The following NBAS variants were observed in gnomAD, a reference collection of about 807,000 sequenced individuals.
The protein encoded by NBAS is NBAS subunit of NRZ tethering complex.
NBAS carries 219 observed loss-of-function variants against 302.5 expected under a neutral mutation model. The ratio of observed to expected loss-of-function variants is 0.72; its 90% CI spans 0.65 to 0.81. NBAS has a LOEUF of 0.81. Among genes scored for constraint, NBAS ranks in the 30% least tolerant of loss-of-function variants. The probability of loss-of-function intolerance (pLI) is 0.00; values close to 1 mark genes in which losing one functional copy is unlikely to be tolerated. For missense variants in NBAS, 2,932 were observed against 2,841.6 expected (o/e 1.03, Z -0.72); for synonymous variants, 1,118 against 1,021.6 (o/e 1.09, Z -1.80).
chr2:14,821,164 G>C, the NBAS span, among the ~76,000 whole-genome samples: 1 of 152,058 alleles, frequency 6.6e-6, no homozygotes, highest in Non-Finnish European at 1.5e-5. Context: ...CTGACCTCGT[G>C]ATCCGCCCGC....
At position 15,178,600 on chromosome 2, in the gene NBAS, C is replaced by T. The variant is rs10188269; in HGVS notation, c.6840+388G>A. ...CCTTTAATTAGTGGATAACCTAACACACACATCCACAGATGGAAAACCTGT... is the reference window on the plus strand; with the variant it reads ...CCTTTAATTAGTGGATAACCTAACATACACATCCACAGATGGAAAACCTGT... On this transcript the variant is annotated intron_variant, in intron 51 of 51. Coordinates refer to ENST00000281513, the MANE Select transcript of NBAS (RefSeq NM_015909.4). Among the ~76,000 whole-genome samples the T allele has an allele frequency of 5.9e-4, 90 of 152,316 alleles. 1 individual carries two copies. Among genetic ancestry groups the T allele is most frequent in the Admixed American group, 3.7e-3 (56 of 15,304 alleles).
intron 21 of NBAS, among the ~76,000 whole-genome samples, chr2:15,454,023 C>T (rs984451061): frequency 1.3e-5 from 2 of 152,086 alleles, no homozygotes. Flanking sequence ...ATGATGCGCC[C>T]GCCTCGGCCT....
chr2:15,063,178 A>T, the NBAS span, among the ~76,000 whole-genome samples: 1 of 152,252 alleles, frequency 6.6e-6, no homozygotes, highest in Non-Finnish European at 1.5e-5. Flanking sequence ...AGTGCCTGAC[A>T]GAGAACAGAT....
the NBAS span, among the ~76,000 whole-genome samples, chr2:14,841,142 TA>T: frequency 9.2e-4 from 140 of 152,118 alleles, no homozygotes; most frequent in Non-Finnish European, 3.4e-4. Context: ...ATTTATATGA[TA>T]TTTTTTGAAA....
chr2:15,374,699 T>G lies in NBAS; in HGVS notation c.3612A>C (p.Thr1204=), dbSNP rs761531965. 9.3e-6 allele frequency: 15 copies of G among 1,613,754 alleles called. No individual in the cohort carries two copies. Among genetic ancestry groups the G allele is most frequent in the African/African-American group, 1.3e-5 (1 of 74,914 alleles). The change falls in exon 31 of 52, where the codon ACA becomes ACC. Residue 1204 remains threonine, a synonymous_variant. Coordinates refer to ENST00000281513, the MANE Select transcript of NBAS (RefSeq NM_015909.4). The part of the protein sequence containing the change: ...DLARCCLQLI[T]DRPPAIQEEL... Reference sequence around the variant, plus strand: ...CCTCTTGAATGGCAGGGGGTCTGTCTGTTATCAGTTGTAAGCAGCACCTAG... The same window carrying G: ...CCTCTTGAATGGCAGGGGGTCTGTCGGTTATCAGTTGTAAGCAGCACCTAG...
intron 35 of NBAS, among the ~76,000 whole-genome samples, chr2:15,342,609 G>A (rs1368100173): frequency 2.0e-5 from 3 of 151,992 alleles, no homozygotes; most frequent in Non-Finnish European, 4.4e-5. Flanking sequence ...TGGGATTCAT[G>A]GGGCTCAGAA....
intron 14 of NBAS, among the ~76,000 whole-genome samples, chr2:15,475,391 G>A (rs1412510553): frequency 1.3e-5 from 2 of 152,016 alleles, no homozygotes; most frequent in Admixed American, 1.3e-4. Flanking sequence ...TTTTTCTTAG[G>A]TACTGATACC....
the NBAS span, among the ~76,000 whole-genome samples, chr2:15,136,928 C>T: frequency 2.0e-5 from 3 of 152,186 alleles, no homozygotes; most frequent in African/African-American, 7.2e-5. Flanking sequence ...TTGTAAGTTT[C>T]CTGACTCCTC....
the NBAS span, among the ~76,000 whole-genome samples, chr2:14,875,001 T>C: frequency 1.3e-5 from 2 of 152,032 alleles, no homozygotes; most frequent in African/African-American, 4.8e-5. Context: ...GGACTTCTTA[T>C]TCTATGAAAA....
At chr2:15,457,460 T>G (rs1451410767) in intron 21 of NBAS, among the ~76,000 whole-genome samples, 1 of 152,188 alleles carries the variant, frequency 6.6e-6, no homozygotes, top group Non-Finnish European at 1.5e-5. Flanking sequence ...TTTTCAGCAT[T>G]GCTATTGACG....
chr2:15,294,437 G>A (rs1246112502), intron 40 of NBAS, among the ~76,000 whole-genome samples: 2 of 152,164 alleles, frequency 1.3e-5, no homozygotes, highest in Non-Finnish European at 2.9e-5. Context: ...AGTATTCCTG[G>A]CGACAGATTT....
At chr2:15,102,969 G>A in the NBAS span, among the ~76,000 whole-genome samples, 1 of 112,934 alleles carries the variant, frequency 8.9e-6, no homozygotes, top group Non-Finnish European at 1.8e-5. Context: ...ACATGGGGAG[G>A]CATTAAGGAG....
chr2:15,089,748 T>A, the NBAS span, among the ~76,000 whole-genome samples: 1 of 138,208 alleles, frequency 7.2e-6, no homozygotes, highest in Admixed American at 7.2e-5. Context: ...AGGACTTTTT[T>A]TTTTTTTTTT....
intron 51 of NBAS, among the ~76,000 whole-genome samples, chr2:15,173,548 T>C (rs1664395572): frequency 6.6e-6 from 1 of 152,240 alleles, no homozygotes; most frequent in Admixed American, 6.5e-5. Context: ...AAGTATACGC[T>C]TGAGAAAAAC....
the NBAS span, among the ~76,000 whole-genome samples, chr2:14,827,004 T>C: frequency 6.6e-6 from 1 of 152,170 alleles, no homozygotes; most frequent in Non-Finnish European, 1.5e-5. Context: ...AGGTTAAAGG[T>C]CACATTGCAC....
At chr2:15,464,202 A>G (rs1328163011) in intron 19 of NBAS, among the ~76,000 whole-genome samples, 1 of 152,216 alleles carries the variant, frequency 6.6e-6, no homozygotes, top group Non-Finnish European at 1.5e-5. Flanking sequence ...CAACGCTACT[A>G]CATTTCCCTA....
At position 15,167,077 on chromosome 2, in the gene NBAS, C is replaced by T. The variant is rs1302162721; in HGVS notation, c.7087G>A (p.Ala2363Thr). The T allele has an allele frequency of 1.9e-6, 3 of 1,605,552 alleles. No homozygotes were observed. Among genetic ancestry groups the T allele is most frequent in the Non-Finnish European group, 2.6e-6 (3 of 1,174,686 alleles). Reference protein sequence around the residue: ...THQAFRTFSTALRAAQHWV With the variant: ...THQAFRTFSTTLRAAQHWV The stretch of plus-strand genomic sequence containing the variant: ...ACCCAGTGCTGTGCTGCGCGGAGGG[C>T]TGTACTGAAGGTTCTGAAGGCCTGG... The change falls in exon 52 of 52, where the codon GCC (alanine) becomes ACC (threonine). Residue 2363 changes from alanine (A) to threonine (T), a missense_variant. Transcript: ENST00000281513.
rs183691599 is a variant in NBAS at position 15,387,353 on chromosome 2, A to G, written c.3258-4036T>C. ...AAGTGCTGGGATTACAGGCGTAATG[A>G]ATGTATGAATATTAATTGTTCAGTT... On this transcript the variant is annotated intron_variant, in intron 28 of 51. Coordinates refer to ENST00000281513, the MANE Select transcript of NBAS (RefSeq NM_015909.4). 3.9e-5 allele frequency among the ~76,000 whole-genome samples: 6 copies of G among 152,064 alleles called. No individual in the cohort carries two copies. In the East Asian group the frequency reaches 1.2e-3, roughly 30 times the overall value.
At chr2:15,116,041 G>T in the NBAS span, among the ~76,000 whole-genome samples, 1 of 152,174 alleles carries the variant, frequency 6.6e-6, no homozygotes, top group Non-Finnish European at 1.5e-5. Flanking sequence ...CCAAGTGGCT[G>T]CAACCAGAGG....
Sources: gnomAD v4.1 joint callset for allele counts (sites outside exome capture counted in the v4.1 genomes callset) on GRCh38, gnomAD v4.1.1 for gene constraint, MANE v1.5 for transcripts, NCBI Gene and HGNC (gene_info 2026-07-23, HGNC 2026-07-21) for gene names.